The following PTPN18 variants were observed in gnomAD, a reference collection of about 807,000 sequenced individuals.
The protein encoded by PTPN18 is tyrosine-protein phosphatase non-receptor type 18.
PTPN18 carries 65 observed loss-of-function variants against 65.4 expected under a neutral mutation model. The observed-to-expected ratio is 0.99, with a 90% CI of 0.81 to 1.22. The LOEUF is 1.22. Among genes scored for constraint, PTPN18 ranks in the 50% most tolerant of loss-of-function variants. The probability of loss-of-function intolerance (pLI) is 0.00; values close to 1 mark genes in which losing one functional copy is unlikely to be tolerated. For synonymous variants in PTPN18, 255 were observed against 267.8 expected (o/e 0.95, Z 0.47); for missense variants, 616 against 646.5 (o/e 0.95, Z 0.51).
At chr2:130,370,536 A>C in intron 8 of PTPN18, 21 bp from the exon 9 acceptor site, 1 of 1,614,102 alleles carries the variant, frequency 6.2e-7, no homozygotes, top group Non-Finnish European at 8.5e-7. Flanking sequence ...CTGACCAGGC[A>C]CACTCTGATT....
At chr2:130,369,108 G>C (rs1207154563) in intron 5 of PTPN18, 25 bp from the exon 6 acceptor site, 1 of 1,592,800 alleles carries the variant, frequency 6.3e-7, no homozygotes, top group Non-Finnish European at 8.6e-7. Context: ...CTCACTCCCT[G>C]CCTTTTCTCC....
In PTPN18 at chr2:130,373,191, C is replaced by G. The variant is rs1207320395; in HGVS notation, c.1350C>G (p.Pro450=). 1 of 1,601,878 alleles carries G rather than the reference C, an allele frequency of 6.2e-7. No homozygotes were observed. Among genetic ancestry groups the G allele is most frequent in the Non-Finnish European group, 8.5e-7 (1 of 1,174,412 alleles). Residue 450 remains proline, a synonymous_variant, in exon 15 of 15, where the codon CCC becomes CCG. Coordinates refer to ENST00000175756, the MANE Select transcript of PTPN18 (RefSeq NM_014369.4). The surrounding 1 kb of genome is among the most constrained non-coding windows in gnomAD (Gnocchi z 4.1). ...FNLRIGRPKG[P]RDPPAEWTRV is the part of the protein sequence containing the mutation. Reference sequence around the variant, plus strand: ...TGCGCATTGGGAGGCCGAAGGGTCCCCGGGACCCGCCTGCTGAGTGGACCC... The same window carrying G: ...TGCGCATTGGGAGGCCGAAGGGTCCGCGGGACCCGCCTGCTGAGTGGACCC...
At chr2:130,362,513 G>T in intron 5 of PTPN18, 1 of 188,876 alleles carries the variant, frequency 5.3e-6, no homozygotes, top group South Asian at 8.4e-5. Flanking sequence ...TGTGGCTTTA[G>T]GGTTTACAAT....
In PTPN18 at chr2:130,373,350, G is replaced by A. The variant is rs1374149704; in HGVS notation, c.*126G>A. 4.9e-6 allele frequency: 5 copies of A among 1,020,092 alleles called. No homozygotes were observed. Among genetic ancestry groups the A allele is most frequent in the Non-Finnish European group, 6.9e-6 (5 of 720,574 alleles). 63.2% of individuals were successfully genotyped at this position (1,020,092 alleles called of 1,614,324 possible). ...TCAAAGTTAAAGTTTCTCAGGGTGG[G>A]AAATGTGGGGGCTTTGCCCCAATGA... On this transcript the variant is annotated 3_prime_UTR_variant, in exon 15 of 15. Coordinates refer to ENST00000175756, the MANE Select transcript of PTPN18 (RefSeq NM_014369.4). The surrounding 1 kb of genome is among the most constrained non-coding windows in gnomAD (Gnocchi z 4.1).
At chr2:130,370,481 C>T in intron 8 of PTPN18, 76 bp from the exon 9 acceptor site, 1 of 1,537,132 alleles carries the variant, frequency 6.5e-7, no homozygotes, top group Non-Finnish European at 9.0e-7. Flanking sequence ...AGGACCCTCA[C>T]CCCCATCCCC....
chr2:130,360,018 G>A, intron 5 of PTPN18: 1 of 254,200 alleles, frequency 3.9e-6, no homozygotes, highest in Non-Finnish European at 7.7e-6. Flanking sequence ...TCTGTGCCTT[G>A]GCTATTCCTT....
In PTPN18 at chr2:130,373,540, C is replaced by CTG. The variant is rs1231004410; in HGVS notation, c.*316_*317insTG. 5 of 234,046 alleles carry CTG rather than the reference C, an allele frequency of 2.1e-5. No individual in the cohort carries two copies. Among genetic ancestry groups the CTG allele is most frequent in the Non-Finnish European group, 3.3e-5 (4 of 121,168 alleles). 14.5% of individuals were successfully genotyped at this position (234,046 alleles called of 1,614,324 possible). On this transcript the variant is annotated 3_prime_UTR_variant, in exon 15 of 15. Transcript: ENST00000175756. This position sits in a 1 kb window ranked among gnomAD's most constrained non-coding sequence, Gnocchi z 4.1. Reference sequence around the variant, plus strand: ...TCCGGAGACTGCTCTCCTCACCACACAGCACTAGTCCATCCTCAGCACCTG... The same window carrying CTG: ...TCCGGAGACTGCTCTCCTCACCACACTGAGCACTAGTCCATCCTCAGCACCTG...
Position 130,373,013 on chromosome 2 carries a change from T to C in PTPN18, c.1315+66T>C, listed in dbSNP as rs1680631159. 2 of 1,595,334 alleles carry C rather than the reference T, an allele frequency of 1.3e-6. No homozygotes were observed. Among genetic ancestry groups the C allele is most frequent in the South Asian group, 2.2e-5 (2 of 90,538 alleles). ...TTGAGTGAACCCAGGAGTCTGGGGT[T>C]GATGGGGCATGGAGCTTAGTCCTGT... On this transcript the variant is annotated intron_variant, in intron 14 of 14. Coordinates refer to ENST00000175756, the MANE Select transcript of PTPN18 (RefSeq NM_014369.4). This position sits in a 1 kb window ranked among gnomAD's most constrained non-coding sequence, Gnocchi z 4.1.
At chr2:130,359,132 C>T in intron 2 of PTPN18, 101 bp from the exon 3 acceptor site, 1 of 1,501,600 alleles carries the variant, frequency 6.7e-7, no homozygotes, top group Non-Finnish European at 9.2e-7. Flanking sequence ...GGGATCTCTG[C>T]ATGTGTGTGG....
Position 130,369,184 on chromosome 2 carries a change from C to G in PTPN18, c.466C>G (p.Leu156Val). ...GGAGCAGGAGCCACTGCAGACTGGGCTTTTCTGCATCACTCTGGTGAGCTG... is the reference window on the plus strand; with the variant it reads ...GGAGCAGGAGCCACTGCAGACTGGGGTTTTCTGCATCACTCTGGTGAGCTG... ...AQEQEPLQTGLFCITLIKEKW... is the reference protein window; with the variant it reads ...AQEQEPLQTGVFCITLIKEKW... Residue 156 changes from leucine (L) to valine (V), a missense_variant, in exon 6 of 15, where the codon CTT (leucine) becomes GTT (valine). Transcript: ENST00000175756. The G allele has an allele frequency of 1.2e-6, 2 of 1,613,256 alleles. No individual in the cohort carries two copies. The highest frequency in any genetic ancestry group is 1.7e-6 in the Non-Finnish European group (2 of 1,179,500).
chr2:130,363,945 C>CTT (rs758206585), intron 5 of PTPN18, among the ~76,000 whole-genome samples: 22 of 139,442 alleles, frequency 1.6e-4, no homozygotes, highest in East Asian at 6.2e-4. Context: ...TTGTTACTGT[C>CTT]TTTTTTTTTT....
intron 8 of PTPN18, 169 bp downstream of exon 8, chr2:130,370,359 G>A: frequency 8.7e-7 from 1 of 1,155,658 alleles, no homozygotes; most frequent in Non-Finnish European, 1.2e-6. Flanking sequence ...ACTCAGCTGG[G>A]GAATAAGCAC....
chr2:130,356,307 G>A, intron 1 of PTPN18, 107 bp downstream of exon 1: 2 of 791,890 alleles, frequency 2.5e-6, no homozygotes, highest in Non-Finnish European at 3.6e-6. Flanking sequence ...TGTCCCCGGT[G>A]TCTCCCCGCC....
intron 5 of PTPN18, among the ~76,000 whole-genome samples, chr2:130,367,305 A>C (rs746853421): frequency 8.5e-5 from 13 of 152,060 alleles, no homozygotes; most frequent in Non-Finnish European, 1.6e-4. Context: ...GCCGTTTCTG[A>C]CAAAATGTTG....
chr2:130,357,062 G>T (rs1172198816), intron 1 of PTPN18, among the ~76,000 whole-genome samples: 1 of 152,188 alleles, frequency 6.6e-6, no homozygotes, highest in Non-Finnish European at 1.5e-5. Context: ...ATGGGCGCAT[G>T]CCTGTAATCC....
Position 130,372,909 on chromosome 2 carries a change from A to G in PTPN18, c.1277A>G (p.Tyr426Cys), listed in dbSNP as rs144602154. 266 of 1,614,046 alleles carry G rather than the reference A, an allele frequency of 1.6e-4. No individual in the cohort carries two copies. The highest frequency in any genetic ancestry group is 2.2e-4 in the Non-Finnish European group (255 of 1,180,022). ...CAAAGTCCTGCCGGATCTGGCGCCT[A>G]CGAGGACGTGGCGGGTGGAGCTCAG... Reference protein sequence around the residue: ...ADQSPAGSGAYEDVAGGAQTG... With the variant: ...ADQSPAGSGACEDVAGGAQTG... Residue 426 changes from tyrosine (Y) to cysteine (C), a missense_variant, in exon 14 of 15, where the codon TAC (tyrosine) becomes TGC (cysteine). Tyr to Cys is a radical substitution (Grantham distance 194, BLOSUM62 -2). Coordinates refer to ENST00000175756, the MANE Select transcript of PTPN18 (RefSeq NM_014369.4).
At position 130,356,077 on chromosome 2, in the gene PTPN18, G is replaced by A. The variant is rs954255171; in HGVS notation, c.-31G>A. The A allele has an allele frequency of 3.7e-5, 45 of 1,220,810 alleles. No homozygotes were observed. Among genetic ancestry groups the A allele is most frequent in the Non-Finnish European group, 4.5e-5 (44 of 977,714 alleles). 75.6% of individuals were successfully genotyped at this position (1,220,810 alleles called of 1,614,324 possible). On this transcript the variant is annotated 5_prime_UTR_variant, in exon 1 of 15. Coordinates refer to ENST00000175756, the MANE Select transcript of PTPN18 (RefSeq NM_014369.4). The stretch of plus-strand genomic sequence containing the variant: ...GTCCACACTCGCCGCGCGCGCGGCG[G>A]CCGGGCTGGACCTTGCTGGCCCGCG...
Position 130,358,168 on chromosome 2 carries a change from C to G in PTPN18, c.94-699C>G, listed in dbSNP as rs561496836. 2.0e-5 allele frequency among the ~76,000 whole-genome samples: 3 copies of G among 152,288 alleles called. No homozygotes were observed. The South Asian group carries it at 6.2e-4, about 32-fold the overall frequency. On this transcript the variant is annotated intron_variant, in intron 1 of 14. Transcript: ENST00000175756. ...CACTGCGCTCTTCTAGGTGTTCCCA[C>G]TACACAAGGGCATCATGAGGGCTTA...
Position 130,373,874 on chromosome 2 carries a change from C to A in PTPN18, c.*650C>A. 6.5e-6 allele frequency: 1 copy of A among 152,812 alleles called. No homozygotes were observed. Among genetic ancestry groups the A allele is most frequent in the Non-Finnish European group, 1.4e-5 (1 of 69,294 alleles). 9.5% of individuals were successfully genotyped at this position (152,812 alleles called of 1,614,324 possible). On this transcript the variant is annotated 3_prime_UTR_variant, in exon 15 of 15. Transcript: ENST00000175756. The surrounding 1 kb of genome is among the most constrained non-coding windows in gnomAD (Gnocchi z 4.1). ...CAGAGCCCCCAAAAGACAGACATCT[C>A]TGCTAGCTGGACAGCCAGGTGGACC...
Sources: gnomAD v4.1 joint callset for allele counts (sites outside exome capture counted in the v4.1 genomes callset) on GRCh38, gnomAD v4.1.1 for gene constraint, Gnocchi (gnomAD v3.1) non-coding constraint, MANE v1.5 for transcripts, NCBI Gene and HGNC (gene_info 2026-07-23, HGNC 2026-07-21) for gene names.